Variants in TYSND1 observed in about 807,000 individuals in gnomAD.
TYSND1 encodes the protein peroxisomal leader peptide-processing protease.
Under a neutral mutation model 37.2 loss-of-function variants are expected in TYSND1, and 30 were observed. The observed-to-expected ratio is 0.81, with a 90% confidence interval of 0.60 to 1.09. The LOEUF (loss-of-function observed/expected upper bound fraction) is 1.09, where lower values mean the gene tolerates loss of function less well. TYSND1 is among the 50% of genes least tolerant of loss of function. The pLI is 0.00. For missense variants in TYSND1, 806 were observed against 817.4 expected, an observed-to-expected ratio of 0.99 and a Z score of 0.17; for synonymous variants, 364 against 383.8, an observed-to-expected ratio of 0.95 and a Z score of 0.60.
At chr10:70,145,093 G>A (rs562046587) in intron 1 of TYSND1, among the ~76,000 whole-genome samples, 1 of 152,280 alleles carries the variant, frequency 6.6e-6, no homozygotes, top group African/African-American at 2.4e-5. Flanking sequence ...GAGAACCGAG[G>A]GGTATGGCGT....
Position 70,146,349 on chromosome 10 carries a change from C to A in TYSND1, c.238G>T (p.Asp80Tyr). ...GCCCACTGCACGTGCAGGCGCAGGT[C>A]GTCCCTGCAACTGTCGCCAGGCAGG... ...VFLPGDSCRD[D>Y]LRLHVQWAPT... is the part of the protein sequence containing the mutation. Residue 80 changes from aspartate to tyrosine, a missense_variant, in exon 1 of 4, where the codon GAC (aspartate) becomes TAC (tyrosine). Physicochemically the swap from Asp to Tyr is radical, Grantham distance 160 (BLOSUM62 -3). Transcript: ENST00000287078. 2.6e-6 allele frequency: 4 copies of A among 1,543,378 alleles called. No homozygotes were observed. The highest frequency in any genetic ancestry group is 3.5e-6 in the Non-Finnish European group (4 of 1,151,020).
At position 70,143,964 on chromosome 10, in the gene TYSND1, G is replaced by C. The variant is rs1371019549; in HGVS notation, c.1175C>G (p.Ala392Gly). 1 of 1,614,204 alleles carries C rather than the reference G, an allele frequency of 6.2e-7. No homozygotes were observed. The highest frequency in any genetic ancestry group is 8.5e-7 in the Non-Finnish European group (1 of 1,180,024). The change falls in exon 2 of 4, where the codon GCC (alanine) becomes GGC (glycine). Residue 392 changes from alanine (A) to glycine (G), a missense_variant. This residue lies in a region of TYSND1 where 708 missense variants were observed against 705.4 expected (regional missense o/e 1.00). Coordinates refer to ENST00000287078, the MANE Select transcript of TYSND1 (RefSeq NM_173555.4). ...LVRSTTPKSV[A>G]IWGRVVFATQ... is the part of the protein sequence containing the mutation. Reference sequence around the variant, plus strand: ...GGCAAATACCACACGGCCCCAGATGGCCACACTCCTGGGAGCAAGGGAAAC... The same window carrying C: ...GGCAAATACCACACGGCCCCAGATGCCCACACTCCTGGGAGCAAGGGAAAC...
In TYSND1 at chr10:70,142,733, G is replaced by A. The variant is rs777402003; in HGVS notation, c.1418C>T (p.Thr473Met). The A allele has an allele frequency of 3.7e-5, 59 of 1,613,514 alleles. No homozygotes were observed. The Admixed American group carries it at 8.3e-4, about 23-fold the overall frequency. Residue 473 changes from threonine to methionine, a missense_variant, in exon 3 of 4, where the codon ACG (threonine) becomes ATG (methionine). Thr to Met is a moderately conservative substitution (Grantham distance 81). Transcript: ENST00000287078. ...VNGTPVMLQT[T>M]CAVHSGSSGG... ...ACTGGAGCCGCTGTGCACAGCACAC[G>A]TGGTCTGCAGCATTACGGGCGTGCC...
intron 1 of TYSND1, chr10:70,144,577 A>T (rs530332321): frequency 1.1e-4 from 105 of 986,814 alleles, no homozygotes; most frequent in Admixed American, 1.8e-4. Flanking sequence ...AGGTTAAGTG[A>T]CTTGCCCGGG....
rs201939059 is a variant in TYSND1, at chr10:70,146,094, C to G, written c.493G>C (p.Ala165Pro). The G allele has an allele frequency of 6.3e-7, 1 of 1,580,206 alleles. No homozygotes were observed. Among genetic ancestry groups the G allele is most frequent in the East Asian group, 2.4e-5 (1 of 42,422 alleles). The change falls in exon 1 of 4, where the codon GCG becomes CCG. Residue 165 changes from alanine to proline, a missense_variant. Physicochemically the swap from Ala to Pro is conservative, Grantham distance 27. Coordinates refer to ENST00000287078, the MANE Select transcript of TYSND1 (RefSeq NM_173555.4). The part of the protein sequence containing the change: ...AAEQWRFSSA[A>P]RDDEVSEDEE... ...TCCTCCGACACTTCGTCATCCCGCG[C>G]CGCGCTCGAGAAGCGCCACTGTTCC...
chr10:70,144,000 C>T (rs190944099), intron 1 of TYSND1, 28 bp from the exon 2 acceptor site: 1 of 1,613,556 alleles, frequency 6.2e-7, no homozygotes, highest in African/African-American at 1.3e-5. Flanking sequence ...AAATGACAGG[C>T]TAGCTTTCTG....
intron 3 of TYSND1, among the ~76,000 whole-genome samples, chr10:70,140,868 G>A (rs375237817): frequency 6.6e-6 from 1 of 152,068 alleles, no homozygotes; most frequent in Non-Finnish European, 1.5e-5. Context: ...TTTAGTTGTC[G>A]CATCTCCCAA....
In TYSND1 at chr10:70,145,760, A is replaced by C; in HGVS notation, c.827T>G (p.Val276Gly). 1 of 1,439,994 alleles carries C rather than the reference A, an allele frequency of 6.9e-7. No homozygotes were observed. Among genetic ancestry groups the C allele is most frequent in the Non-Finnish European group, 9.0e-7 (1 of 1,106,604 alleles). The allele number at this position is 1,439,994 out of a possible 1,614,324, so 89.2% of individuals were successfully genotyped here. Residue 276 changes from valine (V) to glycine (G), a missense_variant, in exon 1 of 4, where the codon GTG (valine) becomes GGG (glycine). Physicochemically the swap from Val to Gly is moderately radical, Grantham distance 109. Coordinates refer to ENST00000287078, the MANE Select transcript of TYSND1 (RefSeq NM_173555.4). Reference sequence around the variant, plus strand: ...ACAGAGCGGCGCCACCACCAGCGCCACCAGCGCCCCCGCGGGCCGCGCGGT... The same window carrying C: ...ACAGAGCGGCGCCACCACCAGCGCCCCCAGCGCCCCCGCGGGCCGCGCGGT... ...VFTARPAGAL[V>G]ALVVAPLCWK... is the part of the protein sequence containing the mutation.
In TYSND1 at chr10:70,146,022, C is replaced by A; in HGVS notation, c.565G>T (p.Gly189Cys). 1 of 1,600,724 alleles carries A rather than the reference C, an allele frequency of 6.2e-7. No homozygotes were observed. Among genetic ancestry groups the A allele is most frequent in the African/African-American group, 1.3e-5 (1 of 74,622 alleles). ...ACCTCCTCCTGGCCTAGCCGCACGC[C>A]CAGCAGCGCAAACCAGCCCAGCGCT... ...LRALGWFALL[G>C]VRLGQEEVEE... Residue 189 changes from glycine (G) to cysteine (C), a missense_variant, in exon 1 of 4, where the codon GGC (glycine) becomes TGC (cysteine). By Grantham distance (159) the Gly-to-Cys change is radical. Coordinates refer to ENST00000287078, the MANE Select transcript of TYSND1 (RefSeq NM_173555.4).
Position 70,140,491 on chromosome 10 carries a change from G to A in TYSND1, c.1484-350C>T, listed in dbSNP as rs183642276. On this transcript the variant is annotated intron_variant, in intron 3 of 3. Coordinates refer to ENST00000287078, the MANE Select transcript of TYSND1 (RefSeq NM_173555.4). ...ACAGTGCCTTGTGCCAAGTAGGCGC[G>A]CAACAAAGGCTTGTTGAATGAATGA... Among the ~76,000 whole-genome samples, 53 of 151,862 alleles carry A rather than the reference G, an allele frequency of 3.5e-4. No homozygotes were observed. In the South Asian group the frequency reaches 8.3e-3, roughly 24 times the overall value.
intron 3 of TYSND1, among the ~76,000 whole-genome samples, chr10:70,140,521 A>C (rs1472150693): frequency 1.1e-4 from 7 of 61,884 alleles, no homozygotes; most frequent in Non-Finnish European, 1.1e-4. Context: ...GAATGAATGA[A>C]TGAATGAATG....
Position 70,139,913 on chromosome 10 carries a change from G to A in TYSND1, c.*11C>T. ...AAGGTCACTCTTCTTTCCAAAGGTG[G>A]TAACACAGCCTCAGAGCTTGCTCCG... On this transcript the variant is annotated 3_prime_UTR_variant, in exon 4 of 4. Coordinates refer to ENST00000287078, the MANE Select transcript of TYSND1 (RefSeq NM_173555.4). 2 of 1,609,190 alleles carry A rather than the reference G, an allele frequency of 1.2e-6. No homozygotes were observed. The highest frequency in any genetic ancestry group is 1.1e-5 in the South Asian group (1 of 90,864).
At chr10:70,140,251 A>ATCCAGCCC in intron 3 of TYSND1, 110 bp from the exon 4 acceptor site, 1 of 829,426 alleles carries the variant, frequency 1.2e-6, no homozygotes, top group Non-Finnish European at 1.9e-6. Flanking sequence ...GTAGGGCTGG[A>ATCCAGCCC]TACCACCCCA....
Position 70,145,545 on chromosome 10 carries a change from C to G in TYSND1, c.1042G>C (p.Val348Leu). The G allele has an allele frequency of 6.7e-7, 1 of 1,500,064 alleles. No homozygotes were observed. Among genetic ancestry groups the G allele is most frequent in the Non-Finnish European group, 8.8e-7 (1 of 1,130,342 alleles). The allele number at this position is 1,500,064 out of a possible 1,614,324, so 92.9% of individuals were successfully genotyped here. The change falls in exon 1 of 4, where the codon GTG (valine) becomes CTG (leucine). Residue 348 changes from valine to leucine, a missense_variant. Physicochemically the swap from Val to Leu is conservative, Grantham distance 32. This residue lies in a region of TYSND1 where 708 missense variants were observed against 705.4 expected (regional missense o/e 1.00). Coordinates refer to ENST00000287078, the MANE Select transcript of TYSND1 (RefSeq NM_173555.4). ...DSGPLWAAAA[V>L]LVECGTVWGS... ...CATACGGTGCCGCACTCCACCAACA[C>G]TGCCGCGGCTGCCCACAGGGGCCCG...
Position 70,145,846 on chromosome 10 carries a change from G to C in TYSND1, c.741C>G (p.Ala247=), listed in dbSNP as rs1203435522. The part of the protein sequence containing the change: ...TLSCGVLSNV[A]GPLLLTDARC... ...GTGCGTCGGTAAGCAGCAGTGGGCC[G>C]GCCACGTTGCTGAGCACCCCGCAGC... Residue 247 remains alanine (A), a synonymous_variant, in exon 1 of 4, where the codon GCC becomes GCG. Coordinates refer to ENST00000287078, the MANE Select transcript of TYSND1 (RefSeq NM_173555.4). The C allele has an allele frequency of 2.6e-6, 4 of 1,539,902 alleles. No homozygotes were observed. Among genetic ancestry groups the C allele is most frequent in the African/African-American group, 2.8e-5 (2 of 71,956 alleles).
Position 70,146,379 on chromosome 10 carries a change from C to T in TYSND1, c.208G>A (p.Val70Ile), listed in dbSNP as rs1244341733. ...GSEVLTAAGA[V>I]FLPGDSCRDD... ...CTGCAACTGTCGCCAGGCAGGAAGACGGCGCCGGCCGCGGTCAGGACTTCG... is the reference window on the plus strand; with the variant it reads ...CTGCAACTGTCGCCAGGCAGGAAGATGGCGCCGGCCGCGGTCAGGACTTCG... The change falls in exon 1 of 4, where the codon GTC (valine) becomes ATC (isoleucine). Residue 70 changes from valine (V) to isoleucine (I), a missense_variant. By Grantham distance (29) the Val-to-Ile change is conservative. Transcript: ENST00000287078. The T allele has an allele frequency of 3.2e-6, 5 of 1,568,174 alleles. No homozygotes were observed. The highest frequency in any genetic ancestry group is 2.3e-5 in the East Asian group (1 of 43,366).
At chr10:70,144,770 G>C (rs2072850619) in intron 1 of TYSND1, 9 of 985,488 alleles carry the variant, frequency 9.1e-6, no homozygotes, top group Non-Finnish European at 1.1e-5. Flanking sequence ...GGCCACAGTG[G>C]GGACACCTAT....
In TYSND1 at chr10:70,139,920, A is replaced by G. The variant is rs779591485; in HGVS notation, c.*4T>C. ...CTCTTCTTTCCAAAGGTGGTAACAC[A>G]GCCTCAGAGCTTGCTCCGCGGGGCC... is the stretch of plus-strand genomic sequence containing the variant. On this transcript the variant is annotated 3_prime_UTR_variant, in exon 4 of 4. Coordinates refer to ENST00000287078, the MANE Select transcript of TYSND1 (RefSeq NM_173555.4). 1 of 1,610,390 alleles carries G rather than the reference A, an allele frequency of 6.2e-7. No individual in the cohort carries two copies. The highest frequency in any genetic ancestry group is 2.2e-5 in the East Asian group (1 of 44,822).
At position 70,145,995 on chromosome 10, in the gene TYSND1, C is replaced by T. The variant is rs1349894285; in HGVS notation, c.592G>A (p.Glu198Lys). ...LGVRLGQEEVEEERGPAMAVS... is the reference protein window; with the variant it reads ...LGVRLGQEEVKEERGPAMAVS... ...GCCATGGCTGGCCCGCGCTCCTCCT[C>T]CACCTCCTCCTGGCCTAGCCGCACG... The change falls in exon 1 of 4, where the codon GAG (glutamate) becomes AAG (lysine). Residue 198 changes from glutamate to lysine, a missense_variant. Glu to Lys is a moderately conservative substitution (Grantham distance 56). Coordinates refer to ENST00000287078, the MANE Select transcript of TYSND1 (RefSeq NM_173555.4). 6.3e-7 allele frequency: 1 copy of T among 1,583,384 alleles called. No individual in the cohort carries two copies. The highest frequency in any genetic ancestry group is 8.6e-7 in the Non-Finnish European group (1 of 1,166,218).
Sources: gnomAD v4.1 joint callset for allele counts (sites outside exome capture counted in the v4.1 genomes callset) on GRCh38, gnomAD v4.1.1 for gene constraint, gnomAD v4.1.1 regional missense constraint, MANE v1.5 for transcripts, NCBI Gene and HGNC (gene_info 2026-07-23, HGNC 2026-07-21) for gene names.